MTMR8: variants seen among roughly 807,000 people sequenced by gnomAD.
MTMR8 encodes the protein phosphatidylinositol-3,5-bisphosphate 3-phosphatase MTMR8.
MTMR8 carries 65 observed loss-of-function variants against 39.3 expected under a neutral mutation model. The observed-to-expected ratio is 1.65, with a 90% confidence interval of 1.35 to 2.03. The LOEUF (loss-of-function observed/expected upper bound fraction) is 2.03. Among genes scored for constraint, MTMR8 ranks in the 30% most tolerant of loss-of-function variants. The pLI is 0.00. For synonymous variants in MTMR8, 245 were observed against 185.2 expected (o/e 1.32, Z -2.62); for missense variants, 777 against 538.9 (o/e 1.44, Z -4.37).
chrX:64,381,093 C>A (rs1924405376), intron 1 of MTMR8, among the ~76,000 whole-genome samples: 1 of 112,021 alleles, frequency 8.9e-6, no homozygotes, highest in South Asian at 3.7e-4. Context: ...GACTTATAAT[C>A]CTTTGGGCAT....
chrX:64,358,837 G>A (rs1206546513), intron 2 of MTMR8, among the ~76,000 whole-genome samples: 5 of 89,030 alleles, frequency 5.6e-5, no homozygotes, highest in African/African-American at 1.5e-4. Flanking sequence ...ACACATGCCC[G>A]TGCATGCACA....
chrX:64,334,030 T>C (rs1276669523), intron 10 of MTMR8, among the ~76,000 whole-genome samples: 1 of 111,570 alleles, frequency 9.0e-6, no homozygotes, highest in African/African-American at 3.3e-5. Flanking sequence ...CTCTTCTTCC[T>C]CTTTATACAA....
At chrX:64,324,814 CAA>C (rs758476355) in intron 12 of MTMR8, among the ~76,000 whole-genome samples, 15 of 28,713 alleles carry the variant, frequency 5.2e-4, no homozygotes, top group African/African-American at 2.0e-3. Flanking sequence ...TGTTGCTCAC[CAA>C]AAAAAAAAAA....
chrX:64,298,019 GC>G (rs1364515308), intron 12 of MTMR8, among the ~76,000 whole-genome samples: 3 of 84,503 alleles, frequency 3.6e-5, no homozygotes, highest in Non-Finnish European at 6.9e-5. Context: ...GTAGTGTGAT[GC>G]CTCCAGCTTT....
intron 1 of MTMR8, among the ~76,000 whole-genome samples, chrX:64,380,009 A>C (rs1443461492): frequency 8.9e-6 from 1 of 111,814 alleles, no homozygotes; most frequent in Non-Finnish European, 1.9e-5. Flanking sequence ...CTCTCAGCAA[A>C]CTAGGAACAG....
chrX:64,363,361 C>T (rs1036567536), intron 1 of MTMR8, among the ~76,000 whole-genome samples: 1 of 111,211 alleles, frequency 9.0e-6, no homozygotes, highest in Non-Finnish European at 1.9e-5. Flanking sequence ...AATGATTTAG[C>T]CCCATCCTTT....
chrX:64,287,498 G>T (rs889465167), intron 12 of MTMR8, among the ~76,000 whole-genome samples: 1 of 110,957 alleles, frequency 9.0e-6, no homozygotes, highest in Non-Finnish European at 1.9e-5. Context: ...AAAAGAGCCC[G>T]CATTGCCAAG....
Position 64,343,597 on chromosome X carries a change from G to T in MTMR8, c.975+14C>A. On this transcript the variant is annotated intron_variant, in intron 8 of 13. Coordinates refer to ENST00000374852, the MANE Select transcript of MTMR8 (RefSeq NM_017677.4). ...ATTAAAGTCAGTGCAAATTTTAAAA[G>T]TCCTGATTATTACCTTTGTAATGAA... is the stretch of plus-strand genomic sequence containing the variant. 1.8e-6 allele frequency: 2 copies of T among 1,097,006 alleles called. No individual in the cohort carries two copies. Among genetic ancestry groups the T allele is most frequent in the Non-Finnish European group, 2.5e-6 (2 of 795,512 alleles). The allele number at this position is 1,097,006 out of a possible 1,213,427, so 90.4% of individuals were successfully genotyped here. A position where few individuals can be genotyped will look rare whatever the true frequency, so the allele number is the denominator to read the frequency against.
chrX:64,273,567 G>GA, intron 12 of MTMR8, among the ~76,000 whole-genome samples: 1 of 110,997 alleles, frequency 9.0e-6, no homozygotes, highest in East Asian at 2.8e-4. Flanking sequence ...AAGGCAAACA[G>GA]AAAAAATGAA....
chrX:64,334,825 C>T (rs1175516493), intron 10 of MTMR8, among the ~76,000 whole-genome samples: 1 of 111,840 alleles, frequency 8.9e-6, no homozygotes, highest in Admixed American at 9.5e-5. Flanking sequence ...TCACCTATTA[C>T]AGGAAGCCTT....
At position 64,331,765 on chromosome X, in the gene MTMR8, A is replaced by G; in HGVS notation, c.1152-8T>C. The G allele has an allele frequency of 8.4e-7, 1 of 1,186,027 alleles. No individual in the cohort carries two copies. Among genetic ancestry groups the G allele is most frequent in the Non-Finnish European group, 1.1e-6 (1 of 874,168 alleles). On this transcript the variant is annotated splice_region_variant and splice_polypyrimidine_tract_variant and intron_variant, in intron 10 of 13. Coordinates refer to ENST00000374852, the MANE Select transcript of MTMR8 (RefSeq NM_017677.4). ...CCATCGAGGTGGCCACACCTGAGAG[A>G]TGAAAATAAAGGTAAAGAAAGACAC...
At chrX:64,280,528 G>C (rs1931982471) in intron 12 of MTMR8, among the ~76,000 whole-genome samples, 1 of 111,483 alleles carries the variant, frequency 9.0e-6, no homozygotes, top group Non-Finnish European at 1.9e-5. Flanking sequence ...CAATAATCTA[G>C]GTACTGACAG....
intron 12 of MTMR8, among the ~76,000 whole-genome samples, chrX:64,302,720 G>A (rs780996031): frequency 8.9e-6 from 1 of 112,133 alleles, no homozygotes; most frequent in East Asian, 2.8e-4. Flanking sequence ...TATATTTTTA[G>A]GCATTAGAGC....
chrX:64,268,925 T>C lies in MTMR8; in HGVS notation c.1727A>G (p.Asn576Ser), dbSNP rs761785418. The change falls in exon 14 of 14, where the codon AAT becomes AGT. Residue 576 changes from asparagine to serine, a missense_variant. Asn to Ser is a conservative substitution (Grantham distance 46). Transcript: ENST00000374852. ...CTCCATCAGGGTATTCAGGTCTCCA[T>C]TGATACCCATAAAGCCAAGAGGATT... ...LTNPLGFMGI[N>S]GDLNTLMENG... 2.1e-5 allele frequency: 26 copies of C among 1,209,970 alleles called. No individual in the cohort carries two copies. The East Asian group carries it at 3.6e-4, about 17-fold the overall frequency.
At chrX:64,355,807 T>A (rs774410844) in intron 3 of MTMR8, among the ~76,000 whole-genome samples, 1 of 111,239 alleles carries the variant, frequency 9.0e-6, no homozygotes, top group South Asian at 3.9e-4. Flanking sequence ...ACAAAAAGTC[T>A]GCAGGACAGC....
At chrX:64,327,928 A>G (rs1156665941) in intron 12 of MTMR8, among the ~76,000 whole-genome samples, 3 of 112,606 alleles carry the variant, frequency 2.7e-5, no homozygotes, top group African/African-American at 9.7e-5. Context: ...TAAGCCAGCC[A>G]CACAAAGGCA....
intron 4 of MTMR8, among the ~76,000 whole-genome samples, chrX:64,353,265 A>T (rs1231120364): frequency 8.9e-6 from 1 of 112,004 alleles, no homozygotes; most frequent in Non-Finnish European, 1.9e-5. Context: ...CTGAGCCAAA[A>T]ATCTCCATGG....
intron 1 of MTMR8, among the ~76,000 whole-genome samples, chrX:64,383,770 C>T (rs1924492278): frequency 9.0e-6 from 1 of 111,118 alleles, no homozygotes; most frequent in Non-Finnish European, 1.9e-5. Context: ...CCAGTTCCCA[C>T]CTCCAACACC....
intron 13 of MTMR8, among the ~76,000 whole-genome samples, chrX:64,270,397 A>G (rs1931733297): frequency 8.9e-6 from 1 of 112,354 alleles, no homozygotes; most frequent in South Asian, 3.7e-4. Flanking sequence ...TCCTTCAAAC[A>G]AACCCTTAGG....
Sources: gnomAD v4.1 joint callset for allele counts (sites outside exome capture counted in the v4.1 genomes callset) on GRCh38, gnomAD v4.1.1 for gene constraint, MANE v1.5 for transcripts, NCBI Gene and HGNC (gene_info 2026-07-23, HGNC 2026-07-21) for gene names.